SORCS1: variants seen among roughly 807,000 people sequenced by gnomAD.
SORCS1 encodes the protein sortilin related VPS10 domain containing receptor 1.
A neutral mutation model predicts 146.1 loss-of-function variants in SORCS1; 60 were observed. The ratio of observed to expected loss-of-function variants is 0.41; its 90% CI spans 0.33 to 0.51. The LOEUF is 0.51. Among genes scored for constraint, SORCS1 ranks in the 20% least tolerant of loss-of-function variants. SORCS1 has a pLI of 0.21. For missense variants in SORCS1, 1,352 were observed against 1,487.6 expected (o/e 0.91, Z 1.50); for synonymous variants, 637 against 584.0 (o/e 1.09, Z -1.31).
chr10:106,611,917 C>T lies in SORCS1; in HGVS notation c.3027G>A (p.Leu1009=), dbSNP rs1288252945. ...AGAAACTGTGTGCACTCACTTCCACCAGGGATTTTTTGATGACTCGACCGA... is the reference window on the plus strand; with the variant it reads ...AGAAACTGTGTGCACTCACTTCCACTAGGGATTTTTTGATGACTCGACCGA... ...RDIGRVIKKS[L]VEATGVPGQH... The change falls in exon 22 of 26, where the codon CTG becomes CTA. Residue 1009 remains leucine, a synonymous_variant. Coordinates refer to ENST00000263054, the MANE Select transcript of SORCS1 (RefSeq NM_052918.5). 1.2e-6 allele frequency: 2 copies of T among 1,613,120 alleles called. No homozygotes were observed. Among genetic ancestry groups the T allele is most frequent in the Non-Finnish European group, 1.7e-6 (2 of 1,179,150 alleles).
intron 9 of SORCS1, among the ~76,000 whole-genome samples, chr10:106,698,370 T>C (rs964467188): frequency 2.0e-4 from 31 of 152,238 alleles, no homozygotes; most frequent in African/African-American, 6.8e-4. Context: ...TTTTAGATTT[T>C]TTTCAGCTAG....
chr10:106,644,161 TTAAG>T (rs1849255478), intron 18 of SORCS1, among the ~76,000 whole-genome samples: 1 of 152,172 alleles, frequency 6.6e-6, no homozygotes, highest in African/African-American at 2.4e-5. Flanking sequence ...GAAATGATTT[TTAAG>T]TAAGCTTTTT....
chr10:106,870,871 CA>C (rs71025564), intron 2 of SORCS1, among the ~76,000 whole-genome samples: 79 of 151,606 alleles, frequency 5.2e-4, no homozygotes, highest in Non-Finnish European at 5.6e-4. Context: ...TTCTTCACAG[CA>C]AAAAAGAAAA....
chr10:107,154,505 T>A (rs1969115591), intron 1 of SORCS1, among the ~76,000 whole-genome samples: 1 of 152,118 alleles, frequency 6.6e-6, no homozygotes, highest in South Asian at 2.1e-4. Context: ...AAGTTATAGG[T>A]TGTTCACAAC....
chr10:107,070,301 G>A (rs140384542), intron 1 of SORCS1, among the ~76,000 whole-genome samples: 1 of 152,018 alleles, frequency 6.6e-6, no homozygotes, highest in East Asian at 1.9e-4. Context: ...TATGTTTTCA[G>A]CTCTTTGGTG....
At chr10:106,581,614 T>G (rs931396793) in intron 24 of SORCS1, among the ~76,000 whole-genome samples, 1 of 151,636 alleles carries the variant, frequency 6.6e-6, no homozygotes. Context: ...ACACACAGAA[T>G]ACAGAAATGA....
In SORCS1 at chr10:106,575,598, G is replaced by A. The variant is rs547466542; in HGVS notation, c.*1822C>T. ...CTTTCATGATTACCCTGGGAAAAAT[G>A]GGGTTTCTTCATGCTTTGTGCCAAT... On this transcript the variant is annotated 3_prime_UTR_variant, in exon 26 of 26. Coordinates refer to ENST00000263054, the MANE Select transcript of SORCS1 (RefSeq NM_052918.5). 2.6e-5 allele frequency: 4 copies of A among 152,516 alleles called. No individual in the cohort carries two copies. The highest frequency in any genetic ancestry group is 2.0e-4 in the Admixed American group (3 of 15,304). The allele number at this position is 152,516 out of a possible 1,614,324, so 9.4% of individuals were successfully genotyped here. A position where few individuals can be genotyped will look rare whatever the true frequency, so the allele number is the denominator to read the frequency against.
chr10:106,985,963 A>G (rs140133544), intron 1 of SORCS1, among the ~76,000 whole-genome samples: 379 of 152,038 alleles, frequency 2.5e-3, no homozygotes, highest in Middle Eastern at 0.01. Flanking sequence ...ATCCTTGTCT[A>G]TCTCTTCATA....
intron 2 of SORCS1, among the ~76,000 whole-genome samples, chr10:106,858,358 G>A (rs544987241): frequency 4.0e-5 from 6 of 151,424 alleles, no homozygotes; most frequent in South Asian, 2.1e-4. Context: ...AGTGGCTCAC[G>A]TCTGTAATCC....
At chr10:106,711,271 AGGT>A (rs1854966988) in intron 6 of SORCS1, among the ~76,000 whole-genome samples, 2 of 152,214 alleles carry the variant, frequency 1.3e-5, no homozygotes, top group African/African-American at 4.8e-5. Flanking sequence ...CTTAATGAGT[AGGT>A]GGGTTTGATT....
chr10:106,989,367 G>T lies in SORCS1; in HGVS notation c.559-32787C>A, dbSNP rs533286804. Among the ~76,000 whole-genome samples the T allele has an allele frequency of 9.3e-5, 14 of 149,796 alleles. No individual in the cohort carries two copies. The South Asian group carries it at 3.0e-3, about 32-fold the overall frequency. ...TCTCCCTTGGTAGTACCTTGATTCT[G>T]CCAGGTCCACTAACAGCAGTAAACT... On this transcript the variant is annotated intron_variant, in intron 1 of 25. Transcript: ENST00000263054.
intron 18 of SORCS1, among the ~76,000 whole-genome samples, chr10:106,651,691 G>A (rs961583790): frequency 2.0e-5 from 3 of 152,126 alleles, no homozygotes; most frequent in Non-Finnish European, 4.4e-5. Flanking sequence ...TTTAATAATC[G>A]AGATGATTTA....
intron 1 of SORCS1, among the ~76,000 whole-genome samples, chr10:107,008,335 A>G (rs1306182014): frequency 6.6e-6 from 1 of 152,250 alleles, no homozygotes; most frequent in East Asian, 1.9e-4. Context: ...GCCAAGTCAC[A>G]AGGTCATTTT....
At chr10:106,663,203 G>C (rs1199831163) in intron 17 of SORCS1, among the ~76,000 whole-genome samples, 9 of 152,026 alleles carry the variant, frequency 5.9e-5, no homozygotes, top group Non-Finnish European at 1.3e-4. Flanking sequence ...AAAGAAATGA[G>C]AAAGTGCCCT....
chr10:107,139,591 C>G (rs547855466), intron 1 of SORCS1, among the ~76,000 whole-genome samples: 1 of 152,138 alleles, frequency 6.6e-6, no homozygotes, highest in East Asian at 1.9e-4. Flanking sequence ...TATAGTCAGG[C>G]CCTGACACAT....
At chr10:106,841,518 G>A (rs540870379) in intron 2 of SORCS1, among the ~76,000 whole-genome samples, 5 of 152,078 alleles carry the variant, frequency 3.3e-5, no homozygotes, top group African/African-American at 9.6e-5. Flanking sequence ...TAGACATAAT[G>A]CTATTACACA....
chr10:106,989,578 T>C (rs1254971609), intron 1 of SORCS1, among the ~76,000 whole-genome samples: 1 of 151,996 alleles, frequency 6.6e-6, no homozygotes, highest in Non-Finnish European at 1.5e-5. Flanking sequence ...GGCTTTCTGG[T>C]TGCAGCAACA....
chr10:106,699,783 C>G (rs181916186), intron 8 of SORCS1, among the ~76,000 whole-genome samples: 10 of 152,188 alleles, frequency 6.6e-5, no homozygotes, highest in Admixed American at 6.5e-4. Flanking sequence ...GCTGGAGGAA[C>G]AGAGAGAAAA....
chr10:106,870,036 T>C (rs1490970973), intron 2 of SORCS1, among the ~76,000 whole-genome samples: 1 of 152,136 alleles, frequency 6.6e-6, no homozygotes, highest in Non-Finnish European at 1.5e-5. Context: ...CTAGCATTCC[T>C]ATACACTAAC....
Sources: allele counts gnomAD v4.1 joint callset (sites outside exome capture counted in the v4.1 genomes callset), GRCh38; gene constraint gnomAD v4.1.1; transcripts MANE v1.5; gene names NCBI Gene and HGNC (gene_info 2026-07-23, HGNC 2026-07-21).